Variants in CSMD3 observed in about 807,000 individuals in gnomAD.
CSMD3 encodes CUB and Sushi multiple domains 3.
In CSMD3, 177 loss-of-function variants were observed where a neutral mutation model predicts 435.2. That is an observed-to-expected ratio of 0.41 (90% CI 0.36 to 0.46). The LOEUF (loss-of-function observed/expected upper bound fraction) is 0.46, where lower values mean the gene tolerates loss of function less well. Among genes scored for constraint, CSMD3 ranks in the 20% least tolerant of loss-of-function variants. CSMD3 has a pLI of 0.34. For missense variants in CSMD3, 4,265 were observed against 4,504.6 expected (o/e 0.95, Z 1.52); for synonymous variants, 1,656 against 1,520.5 (o/e 1.09, Z -2.07).
At chr8:112,662,667 A>T (rs2075415480) in intron 17 of CSMD3, among the ~76,000 whole-genome samples, 1 of 152,242 alleles carries the variant, frequency 6.6e-6, no homozygotes, top group Non-Finnish European at 1.5e-5. Context: ...GCCAAAACTG[A>T]CAAATGGGAT....
intron 35 of CSMD3, among the ~76,000 whole-genome samples, chr8:112,397,107 A>C (rs1327265869): frequency 6.6e-6 from 1 of 152,220 alleles, no homozygotes; most frequent in Non-Finnish European, 1.5e-5. Context: ...CTATCTTAAA[A>C]ATATTTTAAG....
chr8:113,303,399 T>C (rs1329141363), intron 2 of CSMD3, among the ~76,000 whole-genome samples: 1 of 151,566 alleles, frequency 6.6e-6, no homozygotes, highest in Non-Finnish European at 1.5e-5. Context: ...TTCACAGAAT[T>C]GGAAAAAACT....
chr8:113,128,318 C>CA (rs1043135450), intron 4 of CSMD3, among the ~76,000 whole-genome samples: 25 of 151,142 alleles, frequency 1.7e-4, no homozygotes, highest in Admixed American at 2.6e-4. Flanking sequence ...GGTAGGAAGG[C>CA]AAAAAAATAC....
chr8:112,797,719 G>A (rs1317067934), intron 13 of CSMD3, among the ~76,000 whole-genome samples: 1 of 151,696 alleles, frequency 6.6e-6, no homozygotes, highest in Non-Finnish European at 1.5e-5. Context: ...TTTTTAGTAG[G>A]TGAACTTGCT....
At chr8:112,846,944 G>T in intron 11 of CSMD3, among the ~76,000 whole-genome samples, 1 of 152,090 alleles carries the variant, frequency 6.6e-6, no homozygotes, top group South Asian at 2.1e-4. Context: ...GCCAAGCCTG[G>T]GTGTTCTATA....
At chr8:112,536,478 T>C (rs1204814956) in intron 27 of CSMD3, among the ~76,000 whole-genome samples, 1 of 152,000 alleles carries the variant, frequency 6.6e-6, no homozygotes, top group Non-Finnish European at 1.5e-5. Context: ...TGAGATACCA[T>C]CTCACACCAG....
chr8:112,685,407 G>A lies in CSMD3; in HGVS notation c.2481C>T (p.Asn827=), dbSNP rs764834109. 1.7e-5 allele frequency: 27 copies of A among 1,608,594 alleles called. No individual in the cohort carries two copies. The South Asian group carries it at 2.6e-4, about 16-fold the overall frequency. The change falls in exon 15 of 71, where the codon AAC becomes AAT. Residue 827 remains asparagine, a splice_region_variant and synonymous_variant. Coordinates refer to ENST00000297405, the MANE Select transcript of CSMD3 (RefSeq NM_198123.2). The part of the protein sequence containing the change: ...MSGRGFNITY[N]TFGHNECPDP... ...AAAAAAACAGAAACAGAAACTTACTGTTGTAAGTGATGTTAAAGCCACGTC... is the reference window on the plus strand; with the variant it reads ...AAAAAAACAGAAACAGAAACTTACTATTGTAAGTGATGTTAAAGCCACGTC...
intron 9 of CSMD3, among the ~76,000 whole-genome samples, chr8:112,925,906 C>T (rs1483939067): frequency 6.6e-6 from 1 of 152,166 alleles, no homozygotes; most frequent in Non-Finnish European, 1.5e-5. Flanking sequence ...GATTTAGAAT[C>T]CAAACTGCCA....
rs1443462867 is a variant in CSMD3, at chr8:113,208,984, A to G, written c.515-35068T>C. Among the ~76,000 whole-genome samples, 7 of 152,286 alleles carry G rather than the reference A, an allele frequency of 4.6e-5. No individual in the cohort carries two copies. The South Asian group carries it at 1.0e-3, about 23-fold the overall frequency. ...TCTAGAGAAATGTGAATTTTAATCTATGTTCTTTTACAAAATGTTATAAAA... is the reference window on the plus strand; with the variant it reads ...TCTAGAGAAATGTGAATTTTAATCTGTGTTCTTTTACAAAATGTTATAAAA... On this transcript the variant is annotated intron_variant, in intron 3 of 70. Coordinates refer to ENST00000297405, the MANE Select transcript of CSMD3 (RefSeq NM_198123.2).
In CSMD3 at chr8:112,976,086, T is replaced by C. The variant is rs1245463980; in HGVS notation, c.1093A>G (p.Thr365Ala). The change falls in exon 7 of 71, where the codon ACT (threonine) becomes GCT (alanine). Residue 365 changes from threonine (T) to alanine (A), a missense_variant. Around this residue, in one of 3 missense-constraint regions of CSMD3, gnomAD observed 731 missense variants for 755.4 expected, o/e 0.97. Transcript: ENST00000297405. ...GELEEHNRTT[T>A]GAIAVASTPA... The stretch of plus-strand genomic sequence containing the variant: ...GTGCTAGCAACAGCAATAGCACCAG[T>C]GGTAGTCCTGTTATGCTCCTCTAAC... 1.2e-6 allele frequency: 2 copies of C among 1,614,036 alleles called. No homozygotes were observed.
At chr8:112,928,153 A>G (rs2082973863) in intron 9 of CSMD3, among the ~76,000 whole-genome samples, 1 of 152,132 alleles carries the variant, frequency 6.6e-6, no homozygotes. Flanking sequence ...ATACTCAAAA[A>G]TAGTGTAATT....
chr8:112,871,239 T>C (rs2130047904), intron 10 of CSMD3, among the ~76,000 whole-genome samples: 1 of 152,222 alleles, frequency 6.6e-6, no homozygotes, highest in Non-Finnish European at 1.5e-5. Context: ...TGTGAGAAAA[T>C]GAAATGGCTC....
intron 13 of CSMD3, among the ~76,000 whole-genome samples, chr8:112,694,667 T>C (rs1484526185): frequency 6.6e-6 from 1 of 152,134 alleles, no homozygotes; most frequent in Non-Finnish European, 1.5e-5. Flanking sequence ...TGGGTTTTTT[T>C]CCTATGCAGT....
At chr8:113,184,011 C>T (rs982824979) in intron 3 of CSMD3, among the ~76,000 whole-genome samples, 9 of 151,992 alleles carry the variant, frequency 5.9e-5, no homozygotes, top group Non-Finnish European at 1.0e-4. Flanking sequence ...AAGACTGACC[C>T]CCCAGGCACC....
chr8:113,235,265 T>A lies in CSMD3; in HGVS notation c.514+43327A>T, dbSNP rs2093134892. The stretch of plus-strand genomic sequence containing the variant: ...TTTAGAAAGAGAAAGACCACTAATG[T>A]CCCTCCCTACCTTCCTGTACCTGGT... On this transcript the variant is annotated intron_variant, in intron 3 of 70. Transcript: ENST00000297405. Among the ~76,000 whole-genome samples, 4 of 152,188 alleles carry A rather than the reference T, an allele frequency of 2.6e-5. No individual in the cohort carries two copies. In the South Asian group the frequency reaches 8.3e-4, roughly 32 times the overall value.
chr8:112,860,751 C>T (rs901224264), intron 10 of CSMD3, among the ~76,000 whole-genome samples: 5 of 151,762 alleles, frequency 3.3e-5, no homozygotes, highest in African/African-American at 9.7e-5. Flanking sequence ...CCTGATTATT[C>T]GCATGTGTTT....
intron 3 of CSMD3, among the ~76,000 whole-genome samples, chr8:113,224,740 G>C (rs1238505251): frequency 6.6e-6 from 1 of 151,122 alleles, no homozygotes; most frequent in Admixed American, 6.6e-5. Context: ...AACATTCACA[G>C]AGGAGAGGCA....
chr8:112,419,615 T>C (rs1563923872), intron 32 of CSMD3, among the ~76,000 whole-genome samples: 1 of 152,208 alleles, frequency 6.6e-6, no homozygotes, highest in Non-Finnish European at 1.5e-5. Context: ...AAATCCATAA[T>C]ATCTACTTTC....
intron 13 of CSMD3, among the ~76,000 whole-genome samples, chr8:112,711,892 A>G (rs891994485): frequency 6.6e-6 from 1 of 152,082 alleles, no homozygotes; most frequent in African/African-American, 2.4e-5. Flanking sequence ...CCTCCTGAGT[A>G]TCTGGTACTA....
Sources: allele counts gnomAD v4.1 joint callset (sites outside exome capture counted in the v4.1 genomes callset), GRCh38; gene constraint gnomAD v4.1.1; regional missense constraint gnomAD v4.1.1; transcripts MANE v1.5; gene names NCBI Gene and HGNC (gene_info 2026-07-23, HGNC 2026-07-21).